Variants in CHRM3 observed in about 807,000 individuals in gnomAD.
CHRM3 encodes cholinergic receptor muscarinic 3, also known as muscarinic acetylcholine receptor M3.
A neutral mutation model predicts 41.8 loss-of-function variants in CHRM3; 11 were observed. The observed-to-expected ratio is 0.26, with a 90% confidence interval of 0.17 to 0.44. CHRM3 has a LOEUF of 0.44. CHRM3 is among the 20% of genes least tolerant of loss of function. The pLI is 1.00. For synonymous variants in CHRM3, 297 were observed against 301.4 expected (o/e 0.99, Z 0.15); for missense variants, 571 against 745.4 (o/e 0.77, Z 2.72).
At chr1:239,680,448 G>T (rs907036682) in intron 5 of CHRM3, among the ~76,000 whole-genome samples, 1 of 151,994 alleles carries the variant, frequency 6.6e-6, no homozygotes, top group African/African-American at 2.4e-5. Flanking sequence ...GTGATCCTTA[G>T]GCCAAAAGTA....
intron 6 of CHRM3, among the ~76,000 whole-genome samples, chr1:239,902,074 A>G (rs897614069): frequency 4.6e-5 from 7 of 152,194 alleles, no homozygotes; most frequent in Non-Finnish European, 1.0e-4. Context: ...CAAAGCCCTT[A>G]TCTTTAAATC....
chr1:239,512,548 T>C (rs764820966), intron 2 of CHRM3, among the ~76,000 whole-genome samples: 6 of 152,166 alleles, frequency 3.9e-5, no homozygotes, highest in Non-Finnish European at 7.3e-5. Context: ...TTTATTCTTG[T>C]TGGAAACTTA....
At chr1:239,838,319 T>C (rs1345797187) in intron 6 of CHRM3, among the ~76,000 whole-genome samples, 1 of 152,118 alleles carries the variant, frequency 6.6e-6, no homozygotes, top group African/African-American at 2.4e-5. Flanking sequence ...GGAAGGTGTT[T>C]GGGCAGAAAG....
intron 2 of CHRM3, among the ~76,000 whole-genome samples, chr1:239,519,018 A>G (rs1255138164): frequency 6.6e-6 from 1 of 152,202 alleles, no homozygotes; most frequent in African/African-American, 2.4e-5. Flanking sequence ...CTCTTTCCAG[A>G]CACCTATTTA....
Position 239,604,073 on chromosome 1 carries a change from G to C in CHRM3, c.-312-28151G>C, listed in dbSNP as rs77573800. Among the ~76,000 whole-genome samples, 139 of 152,100 alleles carry C rather than the reference G, an allele frequency of 9.1e-4. 1 individual carries two copies. In the East Asian group the frequency reaches 0.024, roughly 26 times the overall value. On this transcript the variant is annotated intron_variant, in intron 3 of 6. Coordinates refer to ENST00000676153, the MANE Select transcript of CHRM3 (RefSeq NM_001375978.1). ...TTACAAATTAAAATACATTAAAAAAGTTTCCTTGTGTAAATCATTTTTCTT... is the reference window on the plus strand; with the variant it reads ...TTACAAATTAAAATACATTAAAAAACTTTCCTTGTGTAAATCATTTTTCTT...
chr1:239,458,602 G>A (rs1665132866), intron 1 of CHRM3, among the ~76,000 whole-genome samples: 1 of 152,076 alleles, frequency 6.6e-6, no homozygotes, highest in African/African-American at 2.4e-5. Context: ...TAATAATAGG[G>A]CATATTATGC....
At chr1:239,407,983 A>G (rs2103025813) in intron 1 of CHRM3, among the ~76,000 whole-genome samples, 1 of 152,262 alleles carries the variant, frequency 6.6e-6, no homozygotes, top group East Asian at 1.9e-4. Flanking sequence ...GTAAAATGTG[A>G]TAGGCAATTG....
chr1:239,902,616 G>T (rs1679667472), intron 6 of CHRM3, among the ~76,000 whole-genome samples: 1 of 152,116 alleles, frequency 6.6e-6, no homozygotes, highest in Non-Finnish European at 1.5e-5. Context: ...AGTGTGCTTT[G>T]CTTAAAATTT....
chr1:239,866,399 C>CA (rs1366139218), intron 6 of CHRM3, among the ~76,000 whole-genome samples: 2,294 of 146,648 alleles, frequency 0.016, 75 homozygotes, highest in African/African-American at 0.056. Flanking sequence ...GACCCTGTCT[C>CA]AAAAACAAAA....
At chr1:239,769,137 A>G (rs1667458008) in intron 5 of CHRM3, among the ~76,000 whole-genome samples, 1 of 151,618 alleles carries the variant, frequency 6.6e-6, no homozygotes, top group Non-Finnish European at 1.5e-5. Flanking sequence ...TTCTTCTTTC[A>G]TTCAATTGTT....
At chr1:239,391,561 C>T (rs963812921) in intron 1 of CHRM3, among the ~76,000 whole-genome samples, 7 of 152,118 alleles carry the variant, frequency 4.6e-5, no homozygotes, top group Non-Finnish European at 1.0e-4. Context: ...TCCCGCTCAT[C>T]CCCTCCTGAA....
At chr1:239,506,890 C>T (rs1398301349) in intron 2 of CHRM3, among the ~76,000 whole-genome samples, 1 of 152,144 alleles carries the variant, frequency 6.6e-6, no homozygotes, top group East Asian at 1.9e-4. Flanking sequence ...CAAAGGAGGT[C>T]ATTTTGGAGT....
At chr1:239,555,482 T>C (rs1660263582) in intron 3 of CHRM3, among the ~76,000 whole-genome samples, 1 of 152,038 alleles carries the variant, frequency 6.6e-6, no homozygotes, top group Non-Finnish European at 1.5e-5. Flanking sequence ...ACCAGAACAA[T>C]GAGGACTTGC....
At chr1:239,395,770 T>C (rs1659427681) in intron 1 of CHRM3, among the ~76,000 whole-genome samples, 1 of 152,216 alleles carries the variant, frequency 6.6e-6, no homozygotes, top group Non-Finnish European at 1.5e-5. Flanking sequence ...TCTTAGTCTC[T>C]GAGCTTCCCA....
chr1:239,850,234 A>G (rs1174872302), intron 6 of CHRM3, among the ~76,000 whole-genome samples: 1 of 152,210 alleles, frequency 6.6e-6, no homozygotes, highest in African/African-American at 2.4e-5. Flanking sequence ...AAATGTTATT[A>G]AGAAAACCAT....
At chr1:239,618,063 A>G (rs7541603) in intron 3 of CHRM3, among the ~76,000 whole-genome samples, 415 of 151,926 alleles carry the variant, frequency 2.7e-3, no homozygotes, top group Middle Eastern at 0.02. Flanking sequence ...TGTGTTTCTA[A>G]GGAGTTTTGC....
At chr1:239,765,022 T>C (rs1387456189) in intron 5 of CHRM3, among the ~76,000 whole-genome samples, 2 of 152,230 alleles carry the variant, frequency 1.3e-5, no homozygotes, top group African/African-American at 2.4e-5. Flanking sequence ...AGAAAATTCC[T>C]TGGGCCATCT....
intron 1 of CHRM3, among the ~76,000 whole-genome samples, chr1:239,388,198 C>T (rs1038511252): frequency 6.6e-6 from 1 of 150,962 alleles, no homozygotes; most frequent in African/African-American, 2.4e-5. Context: ...TTACTGGAAC[C>T]TGTCCAAAGG....
chr1:239,652,138 T>C (rs150617843), intron 4 of CHRM3, among the ~76,000 whole-genome samples: 3,179 of 152,292 alleles, frequency 0.021, 55 homozygotes, highest in Non-Finnish European at 0.034. Flanking sequence ...TTTTTGAATG[T>C]GAATCCACTG....
Sources: gnomAD v4.1 joint callset for allele counts (sites outside exome capture counted in the v4.1 genomes callset) on GRCh38, gnomAD v4.1.1 for gene constraint, MANE v1.5 for transcripts, NCBI Gene and HGNC (gene_info 2026-07-23, HGNC 2026-07-21) for gene names.